SLC4A10: variants seen among roughly 807,000 people sequenced by gnomAD.
SLC4A10 encodes sodium-driven chloride bicarbonate exchanger.
Under a neutral mutation model 137.7 loss-of-function variants are expected in SLC4A10, and 42 were observed. The observed-to-expected ratio is 0.30, with a 90% CI of 0.24 to 0.39. The LOEUF (loss-of-function observed/expected upper bound fraction) is 0.39. Ranked by LOEUF, SLC4A10 falls within the 10% of genes least tolerant of loss-of-function variation. The pLI is 1.00. For synonymous variants in SLC4A10, 474 were observed against 464.1 expected (o/e 1.02, Z -0.27); for missense variants, 925 against 1,355.0 (o/e 0.68, Z 4.98).
chr2:161,983,363 T>C lies in SLC4A10; in HGVS notation c.*211T>C. ...TCAACCCAAATCCACCTTCATACTG[T>C]AAGTAGTGCAATACTTGTTTCATTT... is the stretch of plus-strand genomic sequence containing the variant. On this transcript the variant is annotated 3_prime_UTR_variant, in exon 27 of 27. Coordinates refer to ENST00000446997, the MANE Select transcript of SLC4A10 (RefSeq NM_001178015.2). The C allele has an allele frequency of 2.4e-6, 2 of 826,718 alleles. No individual in the cohort carries two copies. Among genetic ancestry groups the C allele is most frequent in the Non-Finnish European group, 3.8e-6 (2 of 531,864 alleles). 51.2% of individuals were successfully genotyped at this position (826,718 alleles called of 1,614,324 possible).
At chr2:161,882,510 T>A in intron 10 of SLC4A10, 66 bp downstream of exon 10, 1 of 960,968 alleles carries the variant, frequency 1.0e-6, no homozygotes, top group Non-Finnish European at 1.5e-6. Flanking sequence ...TTGGAGGTCC[T>A]CTTTTCATGA....
intron 9 of SLC4A10, among the ~76,000 whole-genome samples, chr2:161,880,985 C>CA (rs1218753230): frequency 6.6e-6 from 1 of 151,794 alleles, no homozygotes; most frequent in Non-Finnish European, 1.5e-5. Flanking sequence ...ACTGAGATAG[C>CA]AAAATATGTG....
chr2:161,661,179 A>C (rs1263668091), intron 1 of SLC4A10, among the ~76,000 whole-genome samples: 1 of 152,176 alleles, frequency 6.6e-6, no homozygotes, highest in Non-Finnish European at 1.5e-5. Flanking sequence ...AAAAGGCAAG[A>C]CAAGAATAAT....
intron 26 of SLC4A10, among the ~76,000 whole-genome samples, chr2:161,982,461 C>T (rs1700348273): frequency 6.6e-6 from 1 of 152,120 alleles, no homozygotes; most frequent in African/African-American, 2.4e-5. Flanking sequence ...CCAGTTTACT[C>T]ATTGGTAAAG....
intron 1 of SLC4A10, among the ~76,000 whole-genome samples, chr2:161,738,241 A>G (rs892270562): frequency 5.9e-5 from 9 of 152,208 alleles, no homozygotes; most frequent in African/African-American, 2.2e-4. Flanking sequence ...CCTGGGGGTC[A>G]CTAGAAGCTC....
At chr2:161,666,863 A>G (rs1427728147) in intron 1 of SLC4A10, among the ~76,000 whole-genome samples, 1 of 151,656 alleles carries the variant, frequency 6.6e-6, no homozygotes, top group Non-Finnish European at 1.5e-5. Flanking sequence ...GCCATGAACC[A>G]TTTAATAGTA....
chr2:161,678,292 A>G (rs1300343390), intron 1 of SLC4A10, among the ~76,000 whole-genome samples: 2 of 152,292 alleles, frequency 1.3e-5, no homozygotes, highest in East Asian at 3.9e-4. Context: ...TAAGAGATAA[A>G]CAAAATGCTT....
intron 15 of SLC4A10, among the ~76,000 whole-genome samples, chr2:161,936,751 T>G (rs899899698): frequency 6.6e-6 from 1 of 152,180 alleles, no homozygotes; most frequent in African/African-American, 2.4e-5. Context: ...GCTGTTCTAT[T>G]GTTAGATAGA....
At chr2:161,708,638 G>T in intron 1 of SLC4A10, 1 of 1,445,418 alleles carries the variant, frequency 6.9e-7, no homozygotes, top group South Asian at 1.5e-5. Flanking sequence ...ATATCTTGAT[G>T]ATGGCTTAAA....
chr2:161,957,078 C>T lies in SLC4A10; in HGVS notation c.2631C>T (p.Ala877=). The change falls in exon 20 of 27, where the codon GCC becomes GCT. Residue 877 remains alanine, a synonymous_variant. Coordinates refer to ENST00000446997, the MANE Select transcript of SLC4A10 (RefSeq NM_001178015.2). The part of the protein sequence containing the change: ...SIMGLPWFVA[A]TVLSITHVNS... The stretch of plus-strand genomic sequence containing the variant: ...TGGGCCTGCCATGGTTTGTGGCTGC[C>T]ACAGTCCTCTCCATCACTCATGTCA... 6.2e-7 allele frequency: 1 copy of T among 1,613,024 alleles called. No individual in the cohort carries two copies. The highest frequency in any genetic ancestry group is 8.5e-7 in the Non-Finnish European group (1 of 1,179,666).
intron 2 of SLC4A10, among the ~76,000 whole-genome samples, chr2:161,799,318 A>C (rs532472206): frequency 6.6e-6 from 1 of 152,032 alleles, no homozygotes; most frequent in Admixed American, 6.6e-5. Context: ...AATGACATCT[A>C]TCATTAAATT....
intron 10 of SLC4A10, among the ~76,000 whole-genome samples, chr2:161,883,428 G>C (rs1387572077): frequency 1.3e-5 from 2 of 152,080 alleles, no homozygotes; most frequent in African/African-American, 4.8e-5. Context: ...ATGTTTTATA[G>C]TGTTATATGA....
chr2:161,767,584 G>T (rs1043126390), intron 1 of SLC4A10, among the ~76,000 whole-genome samples: 9 of 151,934 alleles, frequency 5.9e-5, no homozygotes, highest in Middle Eastern at 3.4e-3. Context: ...TGTTTTTAAT[G>T]TGTTATCCAA....
chr2:161,708,989 T>C (rs1237000818), intron 1 of SLC4A10, among the ~76,000 whole-genome samples: 1 of 151,388 alleles, frequency 6.6e-6, no homozygotes, highest in Non-Finnish European at 1.5e-5. Context: ...AACAATATGA[T>C]TATTAGAAAT....
intron 8 of SLC4A10, among the ~76,000 whole-genome samples, chr2:161,874,418 T>C (rs1389248421): frequency 6.6e-6 from 1 of 152,220 alleles, no homozygotes; most frequent in East Asian, 1.9e-4. Context: ...ATGTTGCTTT[T>C]GGTTGTGTGA....
Position 161,950,747 on chromosome 2 carries a change from G to T in SLC4A10, c.2440G>T (p.Val814Leu). Reference sequence around the variant, plus strand: ...TTTAGGTCCAAACCCATGGTGGACAGTAATAGCTGCTATAATTCCAGCTCT... The same window carrying T: ...TTTAGGTCCAAACCCATGGTGGACATTAATAGCTGCTATAATTCCAGCTCT... Reference protein sequence around the residue: ...TPLGPNPWWTVIAAIIPALLC... With the variant: ...TPLGPNPWWTLIAAIIPALLC... The change falls in exon 19 of 27, where the codon GTA (valine) becomes TTA (leucine). Residue 814 changes from valine to leucine, a missense_variant. Around this residue, in one of 11 missense-constraint regions of SLC4A10, gnomAD observed 82 missense variants for 151.4 expected, o/e 0.54. Transcript: ENST00000446997. 6.3e-7 allele frequency: 1 copy of T among 1,596,684 alleles called. No homozygotes were observed. Among genetic ancestry groups the T allele is most frequent in the Non-Finnish European group, 8.5e-7 (1 of 1,170,698 alleles).
chr2:161,639,051 A>G (rs1016258983), intron 1 of SLC4A10, among the ~76,000 whole-genome samples: 12 of 152,252 alleles, frequency 7.9e-5, no homozygotes, highest in Non-Finnish European at 1.3e-4. Flanking sequence ...AAGTTCCTAG[A>G]AACATACAAC....
chr2:161,960,751 A>T (rs952830852), intron 21 of SLC4A10, among the ~76,000 whole-genome samples: 10 of 151,060 alleles, frequency 6.6e-5, no homozygotes, highest in Admixed American at 4.0e-4. Flanking sequence ...AGGGAGAAAG[A>T]GATTAGAGTT....
chr2:161,753,509 G>A (rs2049225709), intron 1 of SLC4A10, among the ~76,000 whole-genome samples: 1 of 152,150 alleles, frequency 6.6e-6, no homozygotes, highest in Non-Finnish European at 1.5e-5. Flanking sequence ...ATAACCTTGA[G>A]CAAGTTACTC....
Sources: gnomAD v4.1 joint callset for allele counts (sites outside exome capture counted in the v4.1 genomes callset) on GRCh38, gnomAD v4.1.1 for gene constraint, gnomAD v4.1.1 regional missense constraint, MANE v1.5 for transcripts, NCBI Gene and HGNC (gene_info 2026-07-23, HGNC 2026-07-21) for gene names.